The following ETV6 variants were observed in gnomAD, a reference collection of about 807,000 sequenced individuals.
ETV6 encodes the protein ETS variant transcription factor 6, also known as transcription factor ETV6.
In ETV6, 16 loss-of-function variants were observed where a neutral mutation model predicts 51.1. The ratio of observed to expected loss-of-function variants is 0.31; its 90% CI spans 0.21 to 0.48. The LOEUF (loss-of-function observed/expected upper bound fraction) is 0.48, where lower values mean the gene tolerates loss of function less well. Ranked by LOEUF, ETV6 falls within the 20% of genes least tolerant of loss-of-function variation. The pLI, the probability that ETV6 is intolerant of heterozygous loss-of-function variation, is 0.99. For missense variants in ETV6, 458 were observed against 594.8 expected (o/e 0.77, Z 2.39); for synonymous variants, 240 against 224.1 (o/e 1.07, Z -0.64).
At chr12:11,890,124 ATT>A (rs34570955) in intron 7 of ETV6, among the ~76,000 whole-genome samples, 70 of 130,936 alleles carry the variant, frequency 5.3e-4, no homozygotes, top group Admixed American at 6.9e-4. Context: ...ATTGTAAAAG[ATT>A]TTTTTTTTTT....
chr12:11,814,776 G>A (rs732868), intron 2 of ETV6, among the ~76,000 whole-genome samples: 76,022 of 152,042 alleles, frequency 0.5, 18,988 homozygotes, highest in East Asian at 0.53. Flanking sequence ...AAAGGGTACA[G>A]ATGTCTAGGA....
chr12:11,783,781 TG>T (rs1418354227), intron 2 of ETV6, among the ~76,000 whole-genome samples: 1 of 152,190 alleles, frequency 6.6e-6, no homozygotes, highest in East Asian at 1.9e-4. Flanking sequence ...GTTGTTTGTA[TG>T]GGGGCAGGCT....
chr12:11,660,649 GCTCT>G (rs1459821815), intron 1 of ETV6, among the ~76,000 whole-genome samples: 1 of 147,896 alleles, frequency 6.8e-6, no homozygotes, highest in African/African-American at 2.5e-5. Context: ...AATTTGCTAA[GCTCT>G]TTTGTTAACT....
chr12:11,695,826 C>T (rs927925948), intron 1 of ETV6, among the ~76,000 whole-genome samples: 5 of 152,160 alleles, frequency 3.3e-5, no homozygotes, highest in Non-Finnish European at 7.3e-5. Flanking sequence ...GCTCAGGGAG[C>T]TTTGGAGTCT....
At chr12:11,798,142 T>C (rs1945703562) in intron 2 of ETV6, among the ~76,000 whole-genome samples, 1 of 152,256 alleles carries the variant, frequency 6.6e-6, no homozygotes, top group South Asian at 2.1e-4. Flanking sequence ...GAACTTGTAA[T>C]TCGTTGGGGA....
intron 2 of ETV6, among the ~76,000 whole-genome samples, chr12:11,825,430 GTC>G (rs1245133380): frequency 6.6e-6 from 1 of 152,200 alleles, no homozygotes; most frequent in Non-Finnish European, 1.5e-5. Context: ...GATAATAGGA[GTC>G]TCTGGGGAAA....
chr12:11,730,651 G>T (rs897653485), intron 1 of ETV6, among the ~76,000 whole-genome samples: 1 of 152,224 alleles, frequency 6.6e-6, no homozygotes, highest in Non-Finnish European at 1.5e-5. Flanking sequence ...CATCCTACAG[G>T]TGCAGAGAAT....
intron 2 of ETV6, among the ~76,000 whole-genome samples, chr12:11,804,036 C>CT (rs1293991666): frequency 6.6e-6 from 1 of 152,142 alleles, no homozygotes; most frequent in Admixed American, 6.5e-5. Context: ...GGATCAGGAA[C>CT]TTTGGACTCT....
At chr12:11,703,183 A>G (rs1025639774) in intron 1 of ETV6, among the ~76,000 whole-genome samples, 2 of 152,228 alleles carry the variant, frequency 1.3e-5, no homozygotes, top group African/African-American at 4.8e-5. Flanking sequence ...TACTTGCTAC[A>G]GGTACTGAAA....
At chr12:11,800,047 A>G (rs955111975) in intron 2 of ETV6, among the ~76,000 whole-genome samples, 1 of 152,312 alleles carries the variant, frequency 6.6e-6, no homozygotes, top group East Asian at 1.9e-4. Flanking sequence ...CAGGGCTTAT[A>G]TTTGAGTTTC....
At chr12:11,690,346 C>A (rs1864730536) in intron 1 of ETV6, among the ~76,000 whole-genome samples, 2 of 151,958 alleles carry the variant, frequency 1.3e-5, no homozygotes, top group Non-Finnish European at 2.9e-5. Context: ...CTTGTAGTTT[C>A]ATTTTTTTGT....
At chr12:11,848,602 C>T (rs1372619002) in intron 3 of ETV6, among the ~76,000 whole-genome samples, 1 of 152,248 alleles carries the variant, frequency 6.6e-6, no homozygotes, top group Non-Finnish European at 1.5e-5. Flanking sequence ...TGTTTTGTTT[C>T]TGTGTGTGCG....
chr12:11,864,729 C>T (rs1277857502), intron 4 of ETV6, among the ~76,000 whole-genome samples: 1 of 151,502 alleles, frequency 6.6e-6, no homozygotes, highest in East Asian at 1.9e-4. Flanking sequence ...CAACCTATAT[C>T]CTTGCAAGGT....
chr12:11,760,132 T>A (rs1441598685), intron 2 of ETV6, among the ~76,000 whole-genome samples: 2 of 152,356 alleles, frequency 1.3e-5, no homozygotes, highest in African/African-American at 4.8e-5. Flanking sequence ...TTGAGAGATT[T>A]AAACTGGCCC....
At chr12:11,737,507 T>C (rs1351671946) in intron 1 of ETV6, among the ~76,000 whole-genome samples, 1 of 152,254 alleles carries the variant, frequency 6.6e-6, no homozygotes, top group Non-Finnish European at 1.5e-5. Flanking sequence ...ATGAGACACG[T>C]TAGAGGCAAG....
chr12:11,796,777 T>G (rs199510934), intron 2 of ETV6, among the ~76,000 whole-genome samples: 3,664 of 103,756 alleles, frequency 0.035, 164 homozygotes, highest in African/African-American at 0.12. Flanking sequence ...TTTTTTTTTT[T>G]TTTGTGTGTG....
intron 2 of ETV6, among the ~76,000 whole-genome samples, chr12:11,820,099 G>A (rs184793284): frequency 9.5e-4 from 144 of 152,308 alleles, no homozygotes; most frequent in Non-Finnish European, 1.6e-3. Context: ...AATTCCTGAC[G>A]TAGGTCCTGT....
rs16907485 is a variant in ETV6 at position 11,884,155 on chromosome 12, T to C, written c.1010-290T>C. 0.031 allele frequency among the ~76,000 whole-genome samples: 4,706 copies of C among 152,288 alleles called. 263 individuals are homozygous for C. Among genetic ancestry groups the C allele is most frequent in the African/African-American group, 0.11 (4,427 of 41,548 alleles). Reference sequence around the variant, plus strand: ...TCTTTCACATGGGTTCTGCCCAGGTTTAAGTTTGGGTCACGACCGTGGACT... The same window carrying C: ...TCTTTCACATGGGTTCTGCCCAGGTCTAAGTTTGGGTCACGACCGTGGACT... On this transcript the variant is annotated intron_variant, in intron 5 of 7. Coordinates refer to ENST00000396373, the MANE Select transcript of ETV6 (RefSeq NM_001987.5).
intron 1 of ETV6, among the ~76,000 whole-genome samples, chr12:11,745,179 G>A (rs1057478469): frequency 5.3e-5 from 8 of 152,174 alleles, no homozygotes; most frequent in African/African-American, 1.9e-4. Flanking sequence ...TACCCACACT[G>A]TAATTTATAA....
Sources: allele counts gnomAD v4.1 joint callset (sites outside exome capture counted in the v4.1 genomes callset), GRCh38; gene constraint gnomAD v4.1.1; transcripts MANE v1.5; gene names NCBI Gene and HGNC (gene_info 2026-07-23, HGNC 2026-07-21).